The following MAPK10 variants were observed in gnomAD, a reference collection of about 807,000 sequenced individuals.
The protein encoded by MAPK10 is JNK3 alpha protein kinase.
Under a neutral mutation model 59.3 loss-of-function variants are expected in MAPK10, and 25 were observed. That is an observed-to-expected ratio of 0.42 (90% confidence interval 0.31 to 0.59). MAPK10 has a LOEUF of 0.59. Ranked by LOEUF, MAPK10 falls within the 20% of genes least tolerant of loss-of-function variation. MAPK10 has a pLI of 0.15. For synonymous variants in MAPK10, 190 were observed against 200.5 expected, an observed-to-expected ratio of 0.95 and a Z score of 0.44; for missense variants, 351 against 568.9, an observed-to-expected ratio of 0.62 and a Z score of 3.90.
chr4:86,535,452 C>G lies in MAPK10; in HGVS notation c.-263+58458G>C, dbSNP rs1437083293. Among the ~76,000 whole-genome samples, 3 of 152,314 alleles carry G rather than the reference C, an allele frequency of 2.0e-5. No homozygotes were observed. In the East Asian group the frequency reaches 5.8e-4, roughly 29 times the overall value. On this transcript the variant is annotated intron_variant, in intron 1 of 4. Transcript: ENST00000502302. ...ACAAACTATCACTCTGTCATCCCAGCTGGACTGCGGTGTCGCTATTGTAGC... is the reference window on the plus strand; with the variant it reads ...ACAAACTATCACTCTGTCATCCCAGGTGGACTGCGGTGTCGCTATTGTAGC...
chr4:86,170,077 G>C (rs2073568973), intron 3 of MAPK10, among the ~76,000 whole-genome samples: 1 of 151,732 alleles, frequency 6.6e-6, no homozygotes, highest in Non-Finnish European at 1.5e-5. Context: ...ACATGGAAAG[G>C]AACAACCGGT....
At chr4:86,035,326 G>A (rs1422403606) in intron 11 of MAPK10, among the ~76,000 whole-genome samples, 1 of 135,372 alleles carries the variant, frequency 7.4e-6, no homozygotes, top group African/African-American at 2.8e-5. Context: ...AGCCCAGATT[G>A]TGCCACTGCA....
intron 9 of MAPK10, among the ~76,000 whole-genome samples, chr4:86,070,300 A>G (rs2047582554): frequency 6.6e-6 from 1 of 152,172 alleles, no homozygotes; most frequent in Non-Finnish European, 1.5e-5. Flanking sequence ...CATAGAATAC[A>G]AACATGAACA....
intron 1 of MAPK10, among the ~76,000 whole-genome samples, chr4:86,568,825 C>T (rs1399092177): frequency 6.6e-6 from 1 of 151,992 alleles, no homozygotes; most frequent in African/African-American, 2.4e-5. Flanking sequence ...AATGTAACAC[C>T]TGAAACTATA....
chr4:86,460,573 C>T (rs1419299791), intron 1 of MAPK10, among the ~76,000 whole-genome samples: 1 of 152,202 alleles, frequency 6.6e-6, no homozygotes, highest in East Asian at 1.9e-4. Context: ...CCAAAACTGG[C>T]CATAAACAAA....
chr4:86,052,060 G>A (rs548038440), intron 11 of MAPK10, among the ~76,000 whole-genome samples: 1 of 151,496 alleles, frequency 6.6e-6, no homozygotes, highest in Non-Finnish European at 1.5e-5. Context: ...AATTGTCAGG[G>A]ACCACAAGAA....
intron 1 of MAPK10, among the ~76,000 whole-genome samples, chr4:86,421,565 A>G (rs899303210): frequency 3.3e-5 from 5 of 152,136 alleles, no homozygotes; most frequent in Admixed American, 3.3e-4. Context: ...TAAAAAAGAA[A>G]GTAGGAATTT....
In MAPK10 at chr4:86,423,770, C is replaced by CATATATATATATATATAT. The variant is rs539111577; in HGVS notation, c.-122+29242_-122+29259dup. Reference sequence around the variant, plus strand: ...ATAAGTAATTAGTGGGATATATATACATATATATATATATATATATATATA... The same window carrying CATATATATATATATATAT: ...ATAAGTAATTAGTGGGATATATATACATATATATATATATATATATATATATATATATATATATATATA... On this transcript the variant is annotated intron_variant, in intron 1 of 13. Coordinates refer to the MAPK10 transcript ENST00000361569. Among the ~76,000 whole-genome samples the CATATATATATATATATAT allele has an allele frequency of 5.3e-4, 49 of 91,592 alleles. 1 individual carries two copies. Among genetic ancestry groups the CATATATATATATATATAT allele is most frequent in the African/African-American group, 1.9e-3 (49 of 25,902 alleles). The allele number at this position is 91,592 out of a possible 152,430, so 60.1% of individuals were successfully genotyped here.
intron 3 of MAPK10, chr4:86,193,564 C>G (rs891522240): frequency 1.3e-5 from 2 of 152,314 alleles, no homozygotes; most frequent in African/African-American, 4.8e-5. Flanking sequence ...AGGGGAAAAC[C>G]GTCTACTCAA....
chr4:86,021,128 C>G (rs1746503358), intron 13 of MAPK10, among the ~76,000 whole-genome samples: 1 of 152,222 alleles, frequency 6.6e-6, no homozygotes, highest in South Asian at 2.1e-4. Flanking sequence ...ACCAGAGCAG[C>G]TAGATACAGA....
chr4:86,246,370 G>A (rs1215825003), intron 2 of MAPK10, among the ~76,000 whole-genome samples: 1 of 152,182 alleles, frequency 6.6e-6, no homozygotes, highest in Non-Finnish European at 1.5e-5. Context: ...GGCGGAGCTT[G>A]CAGTGAGCCA....
At chr4:86,400,933 T>C (rs767352436) in intron 1 of MAPK10, among the ~76,000 whole-genome samples, 4 of 152,158 alleles carry the variant, frequency 2.6e-5, no homozygotes, top group African/African-American at 7.2e-5. Flanking sequence ...ATTGTGTGCT[T>C]ACATAAACAT....
At chr4:86,237,626 A>G (rs1018186579) in intron 2 of MAPK10, among the ~76,000 whole-genome samples, 8 of 152,096 alleles carry the variant, frequency 5.3e-5, no homozygotes, top group African/African-American at 1.2e-4. Flanking sequence ...GCTTTTTTTC[A>G]TATGTTTCTT....
intron 1 of MAPK10, among the ~76,000 whole-genome samples, chr4:86,376,159 C>A (rs971967168): frequency 5.3e-5 from 8 of 152,254 alleles, no homozygotes; most frequent in Admixed American, 3.9e-4. Context: ...CTTATTAGAG[C>A]ATCTCAAGGC....
At chr4:86,246,870 G>C (rs1267709111) in intron 2 of MAPK10, among the ~76,000 whole-genome samples, 3 of 152,174 alleles carry the variant, frequency 2.0e-5, no homozygotes, top group Admixed American at 2.0e-4. Context: ...AGGGTCTCTT[G>C]ATTAGTAGCC....
chr4:86,241,379 G>C (rs764304284), intron 2 of MAPK10, among the ~76,000 whole-genome samples: 1 of 152,138 alleles, frequency 6.6e-6, no homozygotes, highest in Non-Finnish European at 1.5e-5. Context: ...GGTCTGTCTT[G>C]CTAGGTTGGG....
At chr4:86,246,301 G>A (rs2093081622) in intron 2 of MAPK10, among the ~76,000 whole-genome samples, 2 of 152,044 alleles carry the variant, frequency 1.3e-5, no homozygotes, top group South Asian at 4.2e-4. Flanking sequence ...CATGGTGGTG[G>A]GTACCTGTGG....
intron 2 of MAPK10, among the ~76,000 whole-genome samples, chr4:86,221,695 G>C (rs979359481): frequency 9.9e-5 from 15 of 152,042 alleles, no homozygotes. Flanking sequence ...GTAGAGACAG[G>C]TTTTGCCATG....
chr4:86,586,440 CT>C (rs1762657636), intron 1 of MAPK10, among the ~76,000 whole-genome samples: 1 of 152,222 alleles, frequency 6.6e-6, no homozygotes, highest in South Asian at 2.1e-4. Flanking sequence ...GGCTTCCCCT[CT>C]TTCCTACTTC....
Sources: gnomAD v4.1 joint callset for allele counts (sites outside exome capture counted in the v4.1 genomes callset) on GRCh38, gnomAD v4.1.1 for gene constraint, MANE v1.5 for transcripts, NCBI Gene and HGNC (gene_info 2026-07-23, HGNC 2026-07-21) for gene names.